Variants in RPS6KC1 observed in about 807,000 individuals in gnomAD.
RPS6KC1 encodes inactive ribosomal protein S6 kinase delta-1.
In RPS6KC1, 54 loss-of-function variants were observed where a neutral mutation model predicts 103.8. The ratio of observed to expected loss-of-function variants is 0.52; its 90% confidence interval spans 0.42 to 0.65. The LOEUF (loss-of-function observed/expected upper bound fraction) is 0.65, where lower values mean the gene tolerates loss of function less well. Among genes scored for constraint, RPS6KC1 ranks in the 30% least tolerant of loss-of-function variants. The pLI is 0.00. For missense variants in RPS6KC1, 1,151 were observed against 1,253.8 expected, an observed-to-expected ratio of 0.92 and a Z score of 1.24; for synonymous variants, 439 against 438.7, an observed-to-expected ratio of 1.00 and a Z score of -0.01.
At chr1:213,797,922 G>A in the RPS6KC1 span, among the ~76,000 whole-genome samples, 7 of 152,300 alleles carry the variant, frequency 4.6e-5, no homozygotes, top group South Asian at 2.1e-4. Context: ...TTGGAAAATC[G>A]AGATACTCAT....
the RPS6KC1 span, among the ~76,000 whole-genome samples, chr1:213,425,264 A>G: frequency 6.6e-6 from 1 of 152,244 alleles, no homozygotes; most frequent in East Asian, 1.9e-4. Flanking sequence ...TTAGGCTGCC[A>G]TGCATTGCAT....
chr1:213,584,985 T>C, the RPS6KC1 span, among the ~76,000 whole-genome samples: 1 of 152,286 alleles, frequency 6.6e-6, no homozygotes, highest in Admixed American at 6.5e-5. Flanking sequence ...TATTAGGGCA[T>C]GTGAGTAAGA....
chr1:213,662,516 G>A, the RPS6KC1 span, among the ~76,000 whole-genome samples: 1 of 148,672 alleles, frequency 6.7e-6, no homozygotes, highest in African/African-American at 2.5e-5. Context: ...GGCCTCAAGT[G>A]ATCCACTCGT....
chr1:213,152,448 C>T (rs1301366746), intron 6 of RPS6KC1, among the ~76,000 whole-genome samples: 6 of 143,600 alleles, frequency 4.2e-5, no homozygotes, highest in Admixed American at 6.9e-5. Context: ...CCAGACGGGG[C>T]GGCTGCCGGG....
the RPS6KC1 span, among the ~76,000 whole-genome samples, chr1:213,333,699 C>T: frequency 2.0e-5 from 3 of 152,246 alleles, no homozygotes; most frequent in South Asian, 2.1e-4. Context: ...CGCTGTGTCA[C>T]CCAGGCTGGA....
intron 5 of RPS6KC1, among the ~76,000 whole-genome samples, chr1:213,119,301 G>A (rs1407973954): frequency 6.6e-6 from 1 of 151,038 alleles, no homozygotes; most frequent in Non-Finnish European, 1.5e-5. Flanking sequence ...ACAAAAATTA[G>A]CCAGACAAGG....
At chr1:213,563,804 A>G in the RPS6KC1 span, among the ~76,000 whole-genome samples, 1 of 151,936 alleles carries the variant, frequency 6.6e-6, no homozygotes, top group South Asian at 2.1e-4. Context: ...TTTCATCTTC[A>G]TATGGTTGGC....
At chr1:213,304,623 A>G in the RPS6KC1 span, among the ~76,000 whole-genome samples, 1 of 151,846 alleles carries the variant, frequency 6.6e-6, no homozygotes, top group Non-Finnish European at 1.5e-5. Flanking sequence ...GCTCACCACA[A>G]CCTCTGGATC....
the RPS6KC1 span, among the ~76,000 whole-genome samples, chr1:213,309,208 T>C: frequency 6.6e-6 from 1 of 152,076 alleles, no homozygotes; most frequent in East Asian, 1.9e-4. Context: ...GGCAGGAGAA[T>C]CACTTGAACC....
At chr1:213,460,226 G>A in the RPS6KC1 span, among the ~76,000 whole-genome samples, 3 of 152,082 alleles carry the variant, frequency 2.0e-5, no homozygotes, top group Non-Finnish European at 4.4e-5. Flanking sequence ...CTCTTTGTAG[G>A]TCTCTAAGAA....
At chr1:213,669,912 GCCCTCCC>G in the RPS6KC1 span, among the ~76,000 whole-genome samples, 3 of 152,098 alleles carry the variant, frequency 2.0e-5, no homozygotes, top group African/African-American at 7.2e-5. Flanking sequence ...GCCCAGTCTG[GCCCTCCC>G]CTGGAATGCC....
intron 1 of RPS6KC1, among the ~76,000 whole-genome samples, chr1:213,054,890 T>C (rs61834082): frequency 0.034 from 5,196 of 152,296 alleles, 122 homozygotes; most frequent in Middle Eastern, 0.054. Flanking sequence ...GAGACACAAG[T>C]GTAAGAGAAC....
intron 3 of RPS6KC1, among the ~76,000 whole-genome samples, chr1:213,095,102 C>G (rs889931364): frequency 1.3e-5 from 2 of 152,184 alleles, no homozygotes; most frequent in Non-Finnish European, 2.9e-5. Context: ...CCTGTAAGTC[C>G]TTTCTGATAC....
At chr1:213,558,038 C>T in the RPS6KC1 span, among the ~76,000 whole-genome samples, 6 of 152,136 alleles carry the variant, frequency 3.9e-5, no homozygotes, top group African/African-American at 1.2e-4. Flanking sequence ...TACATCCTTC[C>T]ATGTTACACA....
intron 5 of RPS6KC1, among the ~76,000 whole-genome samples, chr1:213,120,296 C>CT (rs1372304739): frequency 1.3e-5 from 2 of 152,192 alleles, no homozygotes; most frequent in Non-Finnish European, 2.9e-5. Context: ...TCTCCCCTCC[C>CT]TTTAAAAGTT....
the RPS6KC1 span, among the ~76,000 whole-genome samples, chr1:213,659,547 A>G: frequency 6.6e-6 from 1 of 152,180 alleles, no homozygotes; most frequent in Non-Finnish European, 1.5e-5. Flanking sequence ...GTTATTATTT[A>G]TTAGTTACCA....
the RPS6KC1 span, among the ~76,000 whole-genome samples, chr1:213,582,632 G>A: frequency 6.6e-6 from 1 of 152,168 alleles, no homozygotes; most frequent in Non-Finnish European, 1.5e-5. Flanking sequence ...TTAGTTTTGG[G>A]GTGAAAGGCA....
intron 5 of RPS6KC1, among the ~76,000 whole-genome samples, chr1:213,128,440 A>G (rs1443004618): frequency 6.6e-6 from 1 of 152,232 alleles, no homozygotes; most frequent in African/African-American, 2.4e-5. Flanking sequence ...TCACATGAAC[A>G]AAAGCTTTTT....
At chr1:213,068,871 A>ATGTG (rs528374829) in intron 1 of RPS6KC1, among the ~76,000 whole-genome samples, 12 of 93,788 alleles carry the variant, frequency 1.3e-4, no homozygotes, top group East Asian at 8.7e-4. Context: ...AAAAGTGTAT[A>ATGTG]TATGTGTGTG....
Sources: allele counts gnomAD v4.1 joint callset (sites outside exome capture counted in the v4.1 genomes callset), GRCh38; gene constraint gnomAD v4.1.1; transcripts MANE v1.5; gene names NCBI Gene and HGNC (gene_info 2026-07-23, HGNC 2026-07-21).